Variants in ASXL3 observed in about 807,000 individuals in gnomAD.
ASXL3 encodes putative Polycomb group protein ASXL3.
In ASXL3, 34 loss-of-function variants were observed where a neutral mutation model predicts 170.6. The observed-to-expected ratio is 0.20, with a 90% CI of 0.15 to 0.27. The LOEUF (loss-of-function observed/expected upper bound fraction) is 0.27. Among genes scored for constraint, ASXL3 ranks in the 10% least tolerant of loss-of-function variants. ASXL3 has a pLI of 1.00. For missense variants in ASXL3, 2,592 were observed against 2,695.3 expected, an observed-to-expected ratio of 0.96 and a Z score of 0.85; for synonymous variants, 1,002 against 989.1, an observed-to-expected ratio of 1.01 and a Z score of -0.24.
intron 5 of ASXL3, 136 bp downstream of exon 5, chr18:33,661,873 C>G (rs960759159): frequency 7.6e-5 from 76 of 993,886 alleles, no homozygotes; most frequent in Non-Finnish European, 9.9e-5. Flanking sequence ...CCATGATATT[C>G]AGTTCAATAA....
chr18:33,743,692 T>C lies in ASXL3; in HGVS notation c.3844T>C (p.Leu1282=). The C allele has an allele frequency of 1.9e-6, 3 of 1,613,842 alleles. No individual in the cohort carries two copies. Among genetic ancestry groups the C allele is most frequent in the Non-Finnish European group, 2.5e-6 (3 of 1,179,884 alleles). ...AATTTCTGCTTGTAATATAAGCATGTTAAAAACCATCCAGGGAACTGACAC... is the reference window on the plus strand; with the variant it reads ...AATTTCTGCTTGTAATATAAGCATGCTAAAAACCATCCAGGGAACTGACAC... ...TTISACNISM[L]KTIQGTDTPC... Residue 1282 remains leucine, a synonymous_variant, in exon 12 of 12, where the codon TTA becomes CTA. Transcript: ENST00000269197.
At chr18:33,662,560 A>C (rs1233223411) in intron 5 of ASXL3, among the ~76,000 whole-genome samples, 2 of 152,164 alleles carry the variant, frequency 1.3e-5, no homozygotes, top group Non-Finnish European at 2.9e-5. Flanking sequence ...CAGAGAAGAA[A>C]AGGAGGAGAT....
chr18:33,676,749 G>T (rs890081053), intron 7 of ASXL3, among the ~76,000 whole-genome samples: 1 of 152,140 alleles, frequency 6.6e-6, no homozygotes, highest in Admixed American at 6.5e-5. Flanking sequence ...TGTTTTTCTT[G>T]CCTAATCAGT....
At chr18:33,581,156 T>C (rs2145086196) in intron 1 of ASXL3, among the ~76,000 whole-genome samples, 1 of 152,312 alleles carries the variant, frequency 6.6e-6, no homozygotes, top group African/African-American at 2.4e-5. Context: ...ATTTTTACTT[T>C]TATAATTGAT....
At chr18:33,650,367 T>C (rs1179183433) in intron 4 of ASXL3, among the ~76,000 whole-genome samples, 5 of 152,062 alleles carry the variant, frequency 3.3e-5, no homozygotes, top group Admixed American at 6.6e-5. Flanking sequence ...AGGTCACTTA[T>C]TCCATTTCCA....
At chr18:33,726,054 A>ACAT (rs1224542020) in intron 8 of ASXL3, among the ~76,000 whole-genome samples, 1 of 152,206 alleles carries the variant, frequency 6.6e-6, no homozygotes, top group Non-Finnish European at 1.5e-5. Context: ...CATATGGAAG[A>ACAT]CATCTACTGG....
chr18:33,613,222 G>C (rs960271746), intron 2 of ASXL3, among the ~76,000 whole-genome samples: 1 of 152,018 alleles, frequency 6.6e-6, no homozygotes, highest in Non-Finnish European at 1.5e-5. Context: ...ATGGTTCTGG[G>C]TAGTGTTAGT....
chr18:33,646,154 T>C, intron 3 of ASXL3, 91 bp from the exon 4 acceptor site: 1 of 863,212 alleles, frequency 1.2e-6, no homozygotes. Flanking sequence ...CACAAATAAC[T>C]GATCATACTG....
intron 8 of ASXL3, among the ~76,000 whole-genome samples, chr18:33,705,048 C>T (rs1442252555): frequency 1.3e-5 from 2 of 151,652 alleles, no homozygotes; most frequent in Non-Finnish European, 1.5e-5. Context: ...ATTGAATAAG[C>T]TATTATTAAT....
Position 33,745,734 on chromosome 18 carries a change from C to T in ASXL3, c.5886C>T (p.Ala1962=). The stretch of plus-strand genomic sequence containing the variant: ...CCCCAGTGGGGTGTAATGCATTTGC[C>T]TTCAACAGGCATCTTGAACAGAAGG... The part of the protein sequence containing the change: ...SKTPVGCNAF[A]FNRHLEQKGL... The change falls in exon 12 of 12, where the codon GCC becomes GCT. Residue 1962 remains alanine, a synonymous_variant. Coordinates refer to ENST00000269197, the MANE Select transcript of ASXL3 (RefSeq NM_030632.3). The T allele has an allele frequency of 6.2e-7, 1 of 1,613,990 alleles. No homozygotes were observed. The highest frequency in any genetic ancestry group is 8.5e-7 in the Non-Finnish European group (1 of 1,179,894).
intron 8 of ASXL3, among the ~76,000 whole-genome samples, chr18:33,722,160 A>G (rs900625052): frequency 2.0e-5 from 3 of 152,172 alleles, no homozygotes; most frequent in African/African-American, 2.4e-5. Flanking sequence ...ACAGAGCAGT[A>G]TTAAAATTAG....
At chr18:33,659,791 CA>C (rs948832925) in intron 4 of ASXL3, among the ~76,000 whole-genome samples, 1 of 151,864 alleles carries the variant, frequency 6.6e-6, no homozygotes. Flanking sequence ...CTGTCTTAAG[CA>C]AAAAAATCAT....
chr18:33,713,403 A>T (rs1599531135), intron 8 of ASXL3, among the ~76,000 whole-genome samples: 1 of 148,984 alleles, frequency 6.7e-6, no homozygotes, highest in African/African-American at 2.5e-5. Flanking sequence ...GATTACAGGC[A>T]CCTGCCACCA....
intron 2 of ASXL3, among the ~76,000 whole-genome samples, chr18:33,627,644 G>A (rs991692793): frequency 2.0e-5 from 3 of 151,874 alleles, no homozygotes; most frequent in Non-Finnish European, 2.9e-5. Flanking sequence ...GATTTTTCCC[G>A]GTGACTGTTT....
intron 2 of ASXL3, among the ~76,000 whole-genome samples, chr18:33,625,010 C>G (rs957214740): frequency 1.3e-5 from 2 of 152,074 alleles, no homozygotes; most frequent in East Asian, 1.9e-4. Context: ...TACACTAATG[C>G]TTTAGCCTCT....
rs1230194485 is a variant in ASXL3 at position 33,739,241 on chromosome 18, T to C, written c.1837T>C (p.Phe613Leu). Residue 613 changes from phenylalanine (F) to leucine (L), a missense_variant, in exon 11 of 12, where the codon TTT becomes CTT. Coordinates refer to ENST00000269197, the MANE Select transcript of ASXL3 (RefSeq NM_030632.3). Reference protein sequence around the residue: ...SENACISETSFSSESPEGACT... With the variant: ...SENACISETSLSSESPEGACT... ...AAATGCCTGCATCTCTGAAACGTCC[T>C]TTTCTTCTGAGAGCCCAGAGGGAGC... The C allele has an allele frequency of 1.2e-6, 2 of 1,613,682 alleles. No homozygotes were observed. The highest frequency in any genetic ancestry group is 4.5e-5 in the East Asian group (2 of 44,884).
chr18:33,688,407 T>C (rs2066632303), intron 8 of ASXL3, among the ~76,000 whole-genome samples: 1 of 152,236 alleles, frequency 6.6e-6, no homozygotes, highest in South Asian at 2.1e-4. Context: ...ATTGAAATTC[T>C]TCCATTATTT....
intron 4 of ASXL3, among the ~76,000 whole-genome samples, chr18:33,653,314 G>A (rs1043095323): frequency 7.9e-5 from 12 of 152,024 alleles, no homozygotes; most frequent in South Asian, 2.1e-4. Context: ...CTTGCAGGGG[G>A]CAGGAAGGAT....
chr18:33,628,913 T>TTGAA (rs2065638535), intron 2 of ASXL3, among the ~76,000 whole-genome samples: 2 of 152,254 alleles, frequency 1.3e-5, no homozygotes, highest in Non-Finnish European at 2.9e-5. Flanking sequence ...TACTAGCAGT[T>TTGAA]TTCATTTTTA....
Sources: allele counts gnomAD v4.1 joint callset (sites outside exome capture counted in the v4.1 genomes callset), GRCh38; gene constraint gnomAD v4.1.1; transcripts MANE v1.5; gene names NCBI Gene and HGNC (gene_info 2026-07-23, HGNC 2026-07-21).